The following SRPK1 variants were observed in gnomAD, a reference collection of about 807,000 sequenced individuals.
The protein encoded by SRPK1 is SFRS protein kinase 1.
Under a neutral mutation model 89.5 loss-of-function variants are expected in SRPK1, and 52 were observed. That is an observed-to-expected ratio of 0.58 (90% CI 0.46 to 0.73). The LOEUF is 0.73. Among genes scored for constraint, SRPK1 ranks in the 30% least tolerant of loss-of-function variants. The probability of loss-of-function intolerance (pLI) is 0.00; values close to 1 mark genes in which losing one functional copy is unlikely to be tolerated. For missense variants in SRPK1, 603 were observed against 780.6 expected, an observed-to-expected ratio of 0.77 and a Z score of 2.71; for synonymous variants, 255 against 270.2, an observed-to-expected ratio of 0.94 and a Z score of 0.55.
chr6:35,838,764 T>A (rs747882938), intron 14 of SRPK1: 1 of 1,391,326 alleles, frequency 7.2e-7, no homozygotes, highest in Admixed American at 1.9e-5. Flanking sequence ...GTCTTGGAAT[T>A]CTGCCTATCA....
intron 12 of SRPK1, among the ~76,000 whole-genome samples, chr6:35,858,149 T>C (rs1561973352): frequency 6.6e-6 from 1 of 152,306 alleles, no homozygotes; most frequent in Middle Eastern, 3.4e-3. Context: ...GAAAGAATCA[T>C]GAACCCCATG....
chr6:35,874,096 G>A, intron 7 of SRPK1, 137 bp downstream of exon 7: 4 of 639,208 alleles, frequency 6.3e-6, no homozygotes, highest in Non-Finnish European at 1.1e-5. Flanking sequence ...CAAAGTGCTG[G>A]GATTACAGGA....
At chr6:35,906,215 C>T (rs1191140267) in intron 2 of SRPK1, among the ~76,000 whole-genome samples, 2 of 151,998 alleles carry the variant, frequency 1.3e-5, no homozygotes, top group Admixed American at 6.6e-5. Context: ...CATGATACAA[C>T]ATGCACGAAT....
At chr6:35,841,619 G>A (rs1481800023) in intron 14 of SRPK1, among the ~76,000 whole-genome samples, 2 of 152,064 alleles carry the variant, frequency 1.3e-5, no homozygotes, top group Non-Finnish European at 2.9e-5. Flanking sequence ...GGACCACGAG[G>A]TCAAGAGACA....
At chr6:35,879,484 T>C (rs1770229117) in intron 6 of SRPK1, among the ~76,000 whole-genome samples, 1 of 151,948 alleles carries the variant, frequency 6.6e-6, no homozygotes, top group African/African-American at 2.4e-5. Context: ...ACATCAAGGC[T>C]GCAGTTTAAG....
chr6:35,920,626 G>A (rs1182188179), intron 1 of SRPK1, 98 bp from the exon 2 acceptor site: 3 of 1,087,744 alleles, frequency 2.8e-6, no homozygotes, highest in East Asian at 3.6e-5. Flanking sequence ...CCGGCTGCGG[G>A]GCCTGCCTCG....
chr6:35,839,634 C>A (rs2817030), intron 14 of SRPK1, among the ~76,000 whole-genome samples: 1 of 135,734 alleles, frequency 7.4e-6, no homozygotes, highest in African/African-American at 2.7e-5. Flanking sequence ...TCTACTGCCC[C>A]CCCCCTTTTT....
intron 14 of SRPK1, among the ~76,000 whole-genome samples, chr6:35,840,487 G>C (rs1186883254): frequency 6.6e-6 from 1 of 152,202 alleles, no homozygotes; most frequent in East Asian, 1.9e-4. Context: ...TAATTTCTAA[G>C]AGAGCTTCTT....
chr6:35,917,086 A>AAAAC (rs1562001001), intron 2 of SRPK1, among the ~76,000 whole-genome samples: 6 of 127,570 alleles, frequency 4.7e-5, no homozygotes, highest in Non-Finnish European at 1.7e-5. Context: ...CAAAACAAAA[A>AAAAC]CAGACACACA....
intron 2 of SRPK1, among the ~76,000 whole-genome samples, chr6:35,909,471 G>A (rs1770916684): frequency 6.6e-6 from 1 of 152,220 alleles, no homozygotes; most frequent in African/African-American, 2.4e-5. Flanking sequence ...ACTTGTCTCA[G>A]ATGAGACTTT....
chr6:35,883,054 G>A lies in SRPK1; in HGVS notation c.478+3670C>T, dbSNP rs1277133751. On this transcript the variant is annotated intron_variant, in intron 6 of 15. Transcript: ENST00000373825. ...GAACTCCTGACCTCGTGATCCGCCC[G>A]CTTTGGCCTCCCAAAGTGCTGGGAT... Among the ~76,000 whole-genome samples, 9 of 152,092 alleles carry A rather than the reference G, an allele frequency of 5.9e-5. No homozygotes were observed. The East Asian group carries it at 7.8e-4, about 13-fold the overall frequency.
intron 3 of SRPK1, among the ~76,000 whole-genome samples, chr6:35,889,415 A>C (rs1179838511): frequency 6.6e-6 from 1 of 152,144 alleles, no homozygotes; most frequent in African/African-American, 2.4e-5. Flanking sequence ...TGGGAGGCCA[A>C]GGAGGGCGGA....
chr6:35,920,917 A>G (rs999253022), intron 1 of SRPK1, 127 bp downstream of exon 1: 142 of 967,494 alleles, frequency 1.5e-4, no homozygotes, highest in Admixed American at 7.4e-4. Context: ...GGGCGGCGCC[A>G]CCTCAGTGGA....
intron 13 of SRPK1, among the ~76,000 whole-genome samples, chr6:35,844,527 T>C (rs1031273595): frequency 1.2e-4 from 19 of 152,090 alleles, no homozygotes; most frequent in South Asian, 2.1e-4. Context: ...AGAACAGCCT[T>C]TCTCAAAACT....
chr6:35,870,560 G>T, intron 9 of SRPK1, 66 bp from the exon 10 acceptor site: 1 of 1,394,598 alleles, frequency 7.2e-7, no homozygotes. Context: ...GTTGGAGATA[G>T]TTGTTAACTT....
rs1770463176 is a variant in SRPK1, at chr6:35,888,920, C to A, written c.197G>T (p.Gly66Val). 9 of 1,604,114 alleles carry A rather than the reference C, an allele frequency of 5.6e-6. No individual in the cohort carries two copies. Among genetic ancestry groups the A allele is most frequent in the Non-Finnish European group, 6.8e-6 (8 of 1,171,524 alleles). Residue 66 changes from glycine to valine, a missense_variant, in exon 4 of 16, where the codon GGT becomes GTT. Coordinates refer to ENST00000373825, the MANE Select transcript of SRPK1 (RefSeq NM_003137.5). ...QEDPNDYCKG[G>V]YHLVKIGDLF... ...ATCTCCAATTTTCACAAGATGATAACCTCCTGGAAGAAACAGGGGAAATAC... is the reference window on the plus strand; with the variant it reads ...ATCTCCAATTTTCACAAGATGATAAACTCCTGGAAGAAACAGGGGAAATAC...
At chr6:35,886,834 T>C (rs1770419413) in intron 5 of SRPK1, 23 bp from the exon 6 acceptor site, 1 of 1,400,052 alleles carries the variant, frequency 7.1e-7, no homozygotes, top group Non-Finnish European at 1.0e-6. Flanking sequence ...AGAGACAGTG[T>C]TTAGCACAAG....
In SRPK1 at chr6:35,886,941, A is replaced by G. The variant is rs1770421970; in HGVS notation, c.391-130T>C. 6.7e-6 allele frequency: 4 copies of G among 598,904 alleles called. No homozygotes were observed. The East Asian group carries it at 1.1e-4, about 17-fold the overall frequency. The allele number at this position is 598,904 out of a possible 1,614,324, so 37.1% of individuals were successfully genotyped here. A position where few individuals can be genotyped will look rare whatever the true frequency, so the allele number is the denominator to read the frequency against. On this transcript the variant is annotated intron_variant, in intron 5 of 15. Coordinates refer to ENST00000373825, the MANE Select transcript of SRPK1 (RefSeq NM_003137.5). ...CATAAATCTATTTTTAAAATATACT[A>G]AAATTTCAATAGCTTTAATGGAGAA...
chr6:35,900,522 G>C (rs1770719097), intron 2 of SRPK1, among the ~76,000 whole-genome samples: 1 of 152,184 alleles, frequency 6.6e-6, no homozygotes, highest in Non-Finnish European at 1.5e-5. Context: ...ACAAAAAATA[G>C]CCCTAATTTA....
Sources: allele counts gnomAD v4.1 joint callset (sites outside exome capture counted in the v4.1 genomes callset), GRCh38; gene constraint gnomAD v4.1.1; transcripts MANE v1.5; gene names NCBI Gene and HGNC (gene_info 2026-07-23, HGNC 2026-07-21).